The following TNIK variants were observed in gnomAD, a reference collection of about 807,000 sequenced individuals.
TNIK encodes the protein TRAF2 and NCK-interacting protein kinase.
TNIK carries 49 observed loss-of-function variants against 191.3 expected under a neutral mutation model. That is an observed-to-expected ratio of 0.26 (90% confidence interval 0.20 to 0.32). The LOEUF is 0.32. Among genes scored for constraint, TNIK ranks in the 10% least tolerant of loss-of-function variants. The probability of loss-of-function intolerance (pLI) is 1.00; values close to 1 mark genes in which losing one functional copy is unlikely to be tolerated. For missense variants in TNIK, 1,155 were observed against 1,702.3 expected, an observed-to-expected ratio of 0.68 and a Z score of 5.66; for synonymous variants, 594 against 600.9, an observed-to-expected ratio of 0.99 and a Z score of 0.17.
chr3:171,128,753 A>C lies in TNIK; in HGVS notation c.1734T>G (p.Pro578=), dbSNP rs1217050423. 6.2e-7 allele frequency: 1 copy of C among 1,613,654 alleles called. No individual in the cohort carries two copies. Among genetic ancestry groups the C allele is most frequent in the Admixed American group, 1.7e-5 (1 of 59,988 alleles). Residue 578 remains proline, a synonymous_variant, in exon 16 of 33, where the codon CCT becomes CCG. Transcript: ENST00000436636. The stretch of plus-strand genomic sequence containing the variant: ...GTCTGAGCATGGGGGGTGTTCGAGC[A>C]GGCTGAACTCCACTAATGCTGAAGG... ...SESFSISGVQ[P]ARTPPMLRPV...
chr3:171,380,057 A>G (rs1345681012), intron 1 of TNIK, among the ~76,000 whole-genome samples: 2 of 147,248 alleles, frequency 1.4e-5, no homozygotes, highest in African/African-American at 5.0e-5. Flanking sequence ...ACACACACAC[A>G]CGCAAGTTGC....
chr3:171,112,685 G>GT (rs57806036), intron 18 of TNIK, among the ~76,000 whole-genome samples: 4,309 of 148,788 alleles, frequency 0.029, 208 homozygotes, highest in African/African-American at 0.099. Context: ...TGCATATTCA[G>GT]TTTTTTTTTT....
At chr3:171,105,817 A>AT (rs1724739299) in intron 21 of TNIK, among the ~76,000 whole-genome samples, 1 of 152,168 alleles carries the variant, frequency 6.6e-6, no homozygotes, top group Non-Finnish European at 1.5e-5. Context: ...ATGCACAGCC[A>AT]TTTTATTGGC....
chr3:171,099,101 AT>A (rs1723104240), intron 22 of TNIK, among the ~76,000 whole-genome samples: 1 of 152,136 alleles, frequency 6.6e-6, no homozygotes, highest in South Asian at 2.1e-4. Flanking sequence ...TCTTATGCAG[AT>A]TATAGTAATA....
intron 17 of TNIK, among the ~76,000 whole-genome samples, chr3:171,123,970 CTAAT>C (rs1438465970): frequency 6.6e-6 from 1 of 152,088 alleles, no homozygotes; most frequent in Non-Finnish European, 1.5e-5. Context: ...ATAGGTAAAG[CTAAT>C]AATTTTGATA....
At chr3:171,419,071 C>G (rs779931145) in intron 1 of TNIK, among the ~76,000 whole-genome samples, 1 of 152,108 alleles carries the variant, frequency 6.6e-6, no homozygotes, top group Non-Finnish European at 1.5e-5. Flanking sequence ...GATTAGGGCC[C>G]AAGCTTTTGA....
intron 2 of TNIK, among the ~76,000 whole-genome samples, chr3:171,304,786 C>T (rs1197937110): frequency 1.3e-5 from 2 of 151,968 alleles, no homozygotes; most frequent in African/African-American, 2.4e-5. Flanking sequence ...CACATGTTCT[C>T]ACTCAGGTGG....
chr3:171,146,226 C>T (rs559242315), intron 12 of TNIK, among the ~76,000 whole-genome samples: 4 of 152,292 alleles, frequency 2.6e-5, no homozygotes, highest in East Asian at 1.9e-4. Flanking sequence ...CTTCTTTCTC[C>T]GTTCTACTTT....
At chr3:171,253,500 T>A (rs1746482723) in intron 2 of TNIK, among the ~76,000 whole-genome samples, 1 of 150,048 alleles carries the variant, frequency 6.7e-6, no homozygotes, top group Non-Finnish European at 1.5e-5. Flanking sequence ...CTCCCAACCC[T>A]CCCTTTAAGC....
chr3:171,073,317 A>T (rs1719445053), intron 28 of TNIK, among the ~76,000 whole-genome samples: 1 of 152,016 alleles, frequency 6.6e-6, no homozygotes, highest in Non-Finnish European at 1.5e-5. Context: ...CCCTGGGAAA[A>T]TTGGCTAGCC....
chr3:171,297,285 C>A (rs1752400558), intron 2 of TNIK, among the ~76,000 whole-genome samples: 1 of 152,174 alleles, frequency 6.6e-6, no homozygotes, highest in African/African-American at 2.4e-5. Flanking sequence ...AGATGCCATG[C>A]CCATAGAGAG....
At chr3:171,208,256 G>A (rs769361124) in intron 4 of TNIK, among the ~76,000 whole-genome samples, 3 of 152,058 alleles carry the variant, frequency 2.0e-5, no homozygotes, top group African/African-American at 7.2e-5. Context: ...TGGTATTTAC[G>A]GCTACAGTGA....
intron 7 of TNIK, among the ~76,000 whole-genome samples, chr3:171,184,178 A>C (rs1442570797): frequency 6.6e-6 from 1 of 152,156 alleles, no homozygotes; most frequent in Admixed American, 6.5e-5. Flanking sequence ...AATAGGAGGC[A>C]AAGTCTAAAC....
rs1162874578 is a variant in TNIK at position 171,173,405 on chromosome 3, AAAAAAG to A, written c.773+1841_773+1846del. ...AGCGAGACTCCGTCTCAAAAAAAAA[AAAAAAG>A]AAAAGAAAAGAAAAGAAAACAGGAG... On this transcript the variant is annotated intron_variant, in intron 9 of 32. Coordinates refer to ENST00000436636, the MANE Select transcript of TNIK (RefSeq NM_015028.4). 9.9e-5 allele frequency among the ~76,000 whole-genome samples: 15 copies of A among 151,640 alleles called. No individual in the cohort carries two copies. In the East Asian group the frequency reaches 1.2e-3, roughly 12 times the overall value.
At chr3:171,071,452 T>TCA in intron 28 of TNIK, 129 bp from the exon 29 acceptor site, 1 of 739,004 alleles carries the variant, frequency 1.4e-6, no homozygotes, top group Non-Finnish European at 2.1e-6. Context: ...TTCATGAAGG[T>TCA]GATATTCCTG....
At chr3:171,064,392 C>T (rs1046488624) in intron 32 of TNIK, among the ~76,000 whole-genome samples, 7 of 152,112 alleles carry the variant, frequency 4.6e-5, no homozygotes, top group Admixed American at 4.6e-4. Flanking sequence ...GAAGGGAATC[C>T]CTTCAAATTC....
At chr3:171,198,461 A>C (rs769555977) in intron 4 of TNIK, among the ~76,000 whole-genome samples, 31 of 152,156 alleles carry the variant, frequency 2.0e-4, no homozygotes, top group Non-Finnish European at 3.7e-4. Context: ...CTGGCACTAG[A>C]TACTCATGAT....
rs1401257167 is a variant in TNIK, at chr3:171,161,165, C to T, written c.1016+105G>A. On this transcript the variant is annotated intron_variant, in intron 11 of 32. Transcript: ENST00000436636. Reference sequence around the variant, plus strand: ...GGGCAATAAATTAAATAAGACCACCCTGGTGGATTCTTAAAAACGAACCTA... The same window carrying T: ...GGGCAATAAATTAAATAAGACCACCTTGGTGGATTCTTAAAAACGAACCTA... The T allele has an allele frequency of 4.3e-6, 5 of 1,162,328 alleles. No individual in the cohort carries two copies. In the African/African-American group the frequency reaches 7.7e-5, roughly 18 times the overall value. 72.0% of individuals were successfully genotyped at this position (1,162,328 alleles called of 1,614,324 possible).
chr3:171,146,636 T>C (rs1731631606), intron 12 of TNIK, among the ~76,000 whole-genome samples: 1 of 152,132 alleles, frequency 6.6e-6, no homozygotes, highest in Non-Finnish European at 1.5e-5. Context: ...ACACCTGTAA[T>C]CCCAGCACTC....
Sources: allele counts gnomAD v4.1 joint callset (sites outside exome capture counted in the v4.1 genomes callset), GRCh38; gene constraint gnomAD v4.1.1; transcripts MANE v1.5; gene names NCBI Gene and HGNC (gene_info 2026-07-23, HGNC 2026-07-21).